VWA3B: variants seen among roughly 807,000 people sequenced by gnomAD.
The protein encoded by VWA3B is von Willebrand factor A domain-containing protein 3B.
In VWA3B, 138 loss-of-function variants were observed where a neutral mutation model predicts 158.3. The ratio of observed to expected loss-of-function variants is 0.87; its 90% confidence interval spans 0.76 to 1.00. The LOEUF (loss-of-function observed/expected upper bound fraction) is 1.00, where lower values mean the gene tolerates loss of function less well. VWA3B is among the 50% of genes least tolerant of loss of function. The pLI is 0.00. For synonymous variants in VWA3B, 596 were observed against 587.3 expected (o/e 1.01, Z -0.21); for missense variants, 1,555 against 1,565.1 (o/e 0.99, Z 0.11).
At chr2:98,195,985 C>T (rs1358355376) in intron 12 of VWA3B, among the ~76,000 whole-genome samples, 2 of 152,114 alleles carry the variant, frequency 1.3e-5, no homozygotes, top group Non-Finnish European at 1.5e-5. Context: ...ACCTGGAGGA[C>T]ATTATATTAA....
At chr2:98,142,396 T>A (rs1384256009) in intron 7 of VWA3B, among the ~76,000 whole-genome samples, 1 of 152,172 alleles carries the variant, frequency 6.6e-6, no homozygotes, top group East Asian at 1.9e-4. Flanking sequence ...CTCCCTTTTA[T>A]CTGAGAAAAA....
At chr2:98,216,657 G>A in intron 13 of VWA3B, 6 of 466,974 alleles carry the variant, frequency 1.3e-5, no homozygotes, top group South Asian at 9.4e-5. Flanking sequence ...AGGGAATGGG[G>A]AAAGTGGCTC....
chr2:98,193,053 G>T lies in VWA3B; in HGVS notation c.1605+17G>T, dbSNP rs118162220. 541 of 1,598,618 alleles carry T rather than the reference G, an allele frequency of 3.4e-4. 10 individuals are homozygous for T. The East Asian group carries it at 0.012, about 35-fold the overall frequency. On this transcript the variant is annotated intron_variant, in intron 11 of 27. Transcript: ENST00000477737. ...TTCATACAGGTTAGATGGAACTGTC[G>T]GTTCATGCATTTGGGGCTTTGTGTA...
chr2:98,295,240 G>T (rs1689729730), intron 23 of VWA3B, among the ~76,000 whole-genome samples: 1 of 152,144 alleles, frequency 6.6e-6, no homozygotes, highest in African/African-American at 2.4e-5. Context: ...AAGCCTTTTT[G>T]AAGAGGTGGA....
intron 13 of VWA3B, among the ~76,000 whole-genome samples, chr2:98,215,154 G>A (rs1383317908): frequency 6.6e-6 from 1 of 152,082 alleles, no homozygotes; most frequent in Non-Finnish European, 1.5e-5. Flanking sequence ...ATAATAGCTG[G>A]AGTTAGGCCA....
At chr2:98,155,359 C>A (rs1323800808) in intron 7 of VWA3B, among the ~76,000 whole-genome samples, 1 of 152,196 alleles carries the variant, frequency 6.6e-6, no homozygotes, top group African/African-American at 2.4e-5. Flanking sequence ...GGTTTGCTCA[C>A]GTAGATCTTG....
intron 22 of VWA3B, among the ~76,000 whole-genome samples, chr2:98,284,568 T>C (rs1444001578): frequency 2.0e-5 from 3 of 152,232 alleles, no homozygotes; most frequent in African/African-American, 7.2e-5. Context: ...AAAGTATGCA[T>C]TGAATATTTT....
At chr2:98,190,182 T>C (rs914950149) in intron 10 of VWA3B, among the ~76,000 whole-genome samples, 2 of 152,198 alleles carry the variant, frequency 1.3e-5, no homozygotes, top group African/African-American at 4.8e-5. Flanking sequence ...ACTATTGTCT[T>C]ATTAGCTCTA....
intron 26 of VWA3B, among the ~76,000 whole-genome samples, chr2:98,307,491 C>T (rs374286442): frequency 3.9e-5 from 6 of 152,208 alleles, no homozygotes; most frequent in Non-Finnish European, 8.8e-5. Flanking sequence ...CAGGCTATGA[C>T]CTAACGCTTG....
intron 19 of VWA3B, among the ~76,000 whole-genome samples, chr2:98,243,885 A>C (rs2105770714): frequency 6.6e-6 from 1 of 152,328 alleles, no homozygotes. Context: ...ACATCCAATC[A>C]GAACCTCTCC....
intron 18 of VWA3B, 38 bp from the exon 19 acceptor site, chr2:98,236,536 G>A (rs1332003279): frequency 6.2e-7 from 1 of 1,613,744 alleles, no homozygotes; most frequent in Non-Finnish European, 8.5e-7. Flanking sequence ...TAACCATCAA[G>A]TTGTAAATTT....
chr2:98,143,531 A>C (rs1344363671), intron 7 of VWA3B, among the ~76,000 whole-genome samples: 1 of 152,052 alleles, frequency 6.6e-6, no homozygotes, highest in Non-Finnish European at 1.5e-5. Context: ...GTAAAATGGG[A>C]ATAATATGTT....
At chr2:98,130,252 C>T (rs1025614421) in intron 6 of VWA3B, among the ~76,000 whole-genome samples, 12 of 152,228 alleles carry the variant, frequency 7.9e-5, no homozygotes, top group Admixed American at 6.5e-5. Context: ...ACCTCCAGCC[C>T]TAAGGCGGTT....
At chr2:98,284,786 TA>T (rs1689069031) in intron 22 of VWA3B, among the ~76,000 whole-genome samples, 2 of 152,134 alleles carry the variant, frequency 1.3e-5, no homozygotes, top group African/African-American at 2.4e-5. Context: ...CTAATTTCTT[TA>T]AGAGACTCAA....
chr2:98,226,387 C>T (rs2105668988), intron 14 of VWA3B, among the ~76,000 whole-genome samples: 1 of 152,318 alleles, frequency 6.6e-6, no homozygotes, highest in African/African-American at 2.4e-5. Context: ...TAATAAACCC[C>T]AACCTAAACC....
rs949848825 is a variant in VWA3B, at chr2:98,190,484, C to T, written c.1466+2355C>T. On this transcript the variant is annotated intron_variant, in intron 10 of 27. Coordinates refer to ENST00000477737, the MANE Select transcript of VWA3B (RefSeq NM_144992.5). ...CTTTTTATTCCTTTGTATGCATCCA[C>T]ATTTCCATTTGGTATCATTTTTTTT... 3.9e-5 allele frequency among the ~76,000 whole-genome samples: 6 copies of T among 152,168 alleles called. No homozygotes were observed. The East Asian group carries it at 1.2e-3, about 29-fold the overall frequency.
At chr2:98,196,325 T>G (rs1682036425) in intron 12 of VWA3B, among the ~76,000 whole-genome samples, 1 of 152,204 alleles carries the variant, frequency 6.6e-6, no homozygotes, top group Non-Finnish European at 1.5e-5. Flanking sequence ...TTAGCTTGGT[T>G]TACTCATTCC....
intron 4 of VWA3B, among the ~76,000 whole-genome samples, chr2:98,120,771 G>A (rs1674895544): frequency 6.6e-6 from 1 of 152,086 alleles, no homozygotes; most frequent in Non-Finnish European, 1.5e-5. Context: ...AATTTTCTCA[G>A]GATTTAAAAA....
chr2:98,235,962 C>G (rs1685650702), intron 17 of VWA3B, among the ~76,000 whole-genome samples: 1 of 152,110 alleles, frequency 6.6e-6, no homozygotes, highest in African/African-American at 2.4e-5. Context: ...CTAAACAGGA[C>G]CTAACAGGTT....
Sources: allele counts gnomAD v4.1 joint callset (sites outside exome capture counted in the v4.1 genomes callset), GRCh38; gene constraint gnomAD v4.1.1; transcripts MANE v1.5; gene names NCBI Gene and HGNC (gene_info 2026-07-23, HGNC 2026-07-21).